NAV3: variants seen among roughly 807,000 people sequenced by gnomAD.
NAV3 encodes the protein pore membrane and/or filament interacting like protein 1.
Under a neutral mutation model 244.7 loss-of-function variants are expected in NAV3, and 87 were observed. That is an observed-to-expected ratio of 0.36 (90% CI 0.30 to 0.42). The LOEUF (loss-of-function observed/expected upper bound fraction) is 0.42, where lower values mean the gene tolerates loss of function less well. NAV3 is among the 20% of genes least tolerant of loss of function. The pLI is 1.00. For synonymous variants in NAV3, 1,126 were observed against 1,042.2 expected, an observed-to-expected ratio of 1.08 and a Z score of -1.55; for missense variants, 2,663 against 2,893.3, an observed-to-expected ratio of 0.92 and a Z score of 1.83.
In NAV3 at chr12:78,096,694, T is replaced by G. The variant is rs1031733374; in HGVS notation, c.2637-20078T>G. On this transcript the variant is annotated intron_variant, in intron 12 of 39. Coordinates refer to ENST00000397909, the MANE Select transcript of NAV3 (RefSeq NM_001024383.2). ...AGACAGGAAAACCCGCCCCCTCAAT[T>G]CAATTACCTGCCACTGGGACCCTCC... Among the ~76,000 whole-genome samples, 3 of 152,194 alleles carry G rather than the reference T, an allele frequency of 2.0e-5. No individual in the cohort carries two copies. In the East Asian group the frequency reaches 5.8e-4, roughly 29 times the overall value.
intron 2 of NAV3, among the ~76,000 whole-genome samples, chr12:77,784,503 T>C (rs934437194): frequency 4.6e-5 from 7 of 152,146 alleles, no homozygotes; most frequent in Admixed American, 2.6e-4. Flanking sequence ...AAGTGGCAAA[T>C]CTGGGAGAGA....
At chr12:77,972,244 C>A (rs1052949816) in intron 5 of NAV3, among the ~76,000 whole-genome samples, 1 of 152,056 alleles carries the variant, frequency 6.6e-6, no homozygotes, top group African/African-American at 2.4e-5. Flanking sequence ...ACCTAGAGTT[C>A]TAATTATTAA....
chr12:77,758,586 A>G (rs1869307895), intron 2 of NAV3, among the ~76,000 whole-genome samples: 2 of 152,248 alleles, frequency 1.3e-5, no homozygotes, highest in South Asian at 2.1e-4. Flanking sequence ...CCAAGTAACC[A>G]GTTATACGCA....
intron 34 of NAV3, among the ~76,000 whole-genome samples, chr12:78,193,330 C>T (rs1959063315): frequency 6.6e-6 from 1 of 152,120 alleles, no homozygotes; most frequent in Admixed American, 6.6e-5. Context: ...ATATAGTAGG[C>T]CCAGAGGGCT....
At chr12:78,140,195 C>A in intron 19 of NAV3, 87 bp from the exon 20 acceptor site, 1 of 1,067,196 alleles carries the variant, frequency 9.4e-7, no homozygotes, top group Non-Finnish European at 1.4e-6. Flanking sequence ...TTTCCCTAAC[C>A]ACCCGTTCTT....
At chr12:77,694,202 C>T (rs747303988) in intron 2 of NAV3, among the ~76,000 whole-genome samples, 1 of 151,938 alleles carries the variant, frequency 6.6e-6, no homozygotes, top group South Asian at 2.1e-4. Flanking sequence ...CATGGTGGCT[C>T]ATGCCTGTAA....
intron 2 of NAV3, among the ~76,000 whole-genome samples, chr12:77,703,830 A>T (rs1308768729): frequency 2.0e-5 from 3 of 152,188 alleles, no homozygotes; most frequent in African/African-American, 7.2e-5. Flanking sequence ...GAGCAGATAA[A>T]AACAGAGATA....
At chr12:77,712,362 T>C (rs1876161134) in intron 2 of NAV3, among the ~76,000 whole-genome samples, 1 of 152,168 alleles carries the variant, frequency 6.6e-6, no homozygotes, top group Admixed American at 6.5e-5. Flanking sequence ...TGTGAGAATA[T>C]ACACTGTTTC....
At chr12:78,114,607 C>A (rs148752009) in intron 12 of NAV3, among the ~76,000 whole-genome samples, 1 of 152,084 alleles carries the variant, frequency 6.6e-6, no homozygotes, top group Admixed American at 6.6e-5. Context: ...ATGAGGGTAA[C>A]CATGTCCATG....
intron 2 of NAV3, among the ~76,000 whole-genome samples, chr12:77,610,294 A>G (rs141482208): frequency 1.5e-3 from 233 of 152,206 alleles, no homozygotes; most frequent in Non-Finnish European, 2.4e-3. Context: ...TGTCGAAGTT[A>G]TCTTCCTGCC....
At chr12:77,680,530 C>T (rs2137113052) in intron 2 of NAV3, among the ~76,000 whole-genome samples, 1 of 152,086 alleles carries the variant, frequency 6.6e-6, no homozygotes, top group East Asian at 1.9e-4. Context: ...GAGACTTATT[C>T]AGCTTTCACA....
intron 17 of NAV3, among the ~76,000 whole-genome samples, chr12:78,127,573 A>C (rs1260794431): frequency 6.6e-6 from 1 of 152,214 alleles, no homozygotes; most frequent in Non-Finnish European, 1.5e-5. Context: ...TCAACAAATT[A>C]AAATAAAATT....
At chr12:77,997,538 C>T (rs1258759784) in intron 6 of NAV3, among the ~76,000 whole-genome samples, 1 of 152,162 alleles carries the variant, frequency 6.6e-6, no homozygotes, top group African/African-American at 2.4e-5. Context: ...TTCCTCATAT[C>T]CTGTCCTTCA....
At chr12:77,862,970 T>C (rs1879467579) in intron 1 of NAV3, among the ~76,000 whole-genome samples, 1 of 151,824 alleles carries the variant, frequency 6.6e-6, no homozygotes, top group Non-Finnish European at 1.5e-5. Context: ...TCGTTATTTC[T>C]ATACTATTAA....
chr12:77,640,925 G>A (rs112455368), intron 2 of NAV3, among the ~76,000 whole-genome samples: 3 of 152,120 alleles, frequency 2.0e-5, no homozygotes, highest in Non-Finnish European at 2.9e-5. Flanking sequence ...GGTATGAGAA[G>A]TGGGCTGATA....
At chr12:78,086,751 C>T (rs563740476) in intron 12 of NAV3, among the ~76,000 whole-genome samples, 1 of 152,004 alleles carries the variant, frequency 6.6e-6, no homozygotes, top group Non-Finnish European at 1.5e-5. Flanking sequence ...TTCTGCAGCA[C>T]CCCCTGTGGT....
chr12:78,153,580 G>C (rs985213014), intron 22 of NAV3, among the ~76,000 whole-genome samples: 1 of 152,044 alleles, frequency 6.6e-6, no homozygotes, highest in African/African-American at 2.4e-5. Context: ...GGTCAGGTGG[G>C]ATGCTTTTGT....
intron 1 of NAV3, among the ~76,000 whole-genome samples, chr12:77,933,154 A>AT (rs1158127851): frequency 1.3e-5 from 2 of 152,228 alleles, no homozygotes; most frequent in Admixed American, 6.5e-5. Context: ...CTATTTTGTG[A>AT]TTTTTACTAA....
intron 2 of NAV3, among the ~76,000 whole-genome samples, chr12:77,624,680 C>T (rs1871538491): frequency 6.6e-6 from 1 of 152,032 alleles, no homozygotes; most frequent in African/African-American, 2.4e-5. Flanking sequence ...AGAATGACTC[C>T]AAAGTTTATA....
Sources: allele counts gnomAD v4.1 joint callset (sites outside exome capture counted in the v4.1 genomes callset), GRCh38; gene constraint gnomAD v4.1.1; transcripts MANE v1.5; gene names NCBI Gene and HGNC (gene_info 2026-07-23, HGNC 2026-07-21).